The following UBR3 variants were observed in gnomAD, a reference collection of about 807,000 sequenced individuals.
UBR3 encodes the protein ubiquitin protein ligase E3 component n-recognin 3, also known as E3 ubiquitin-protein ligase UBR3.
Under a neutral mutation model 243.2 loss-of-function variants are expected in UBR3, and 85 were observed. The observed-to-expected ratio is 0.35, with a 90% CI of 0.29 to 0.42. The LOEUF (loss-of-function observed/expected upper bound fraction) is 0.42. UBR3 is among the 10% of genes least tolerant of loss of function. The pLI, the probability that UBR3 is intolerant of heterozygous loss-of-function variation, is 1.00. For missense variants in UBR3, 1,686 were observed against 2,300.8 expected (o/e 0.73, Z 5.47); for synonymous variants, 748 against 799.8 (o/e 0.94, Z 1.09).
chr2:169,842,324 C>T (rs2082325023), intron 1 of UBR3, among the ~76,000 whole-genome samples: 1 of 152,106 alleles, frequency 6.6e-6, no homozygotes. Flanking sequence ...GTATCTAGCT[C>T]AGGGATTGTA....
intron 30 of UBR3, among the ~76,000 whole-genome samples, chr2:170,024,376 GAGAA>G (rs2090473949): frequency 2.5e-5 from 3 of 119,886 alleles, no homozygotes; most frequent in African/African-American, 9.4e-5. Context: ...AAAAAAAAAA[GAGAA>G]AAGAAATAAC....
chr2:169,827,528 G>T lies in UBR3; in HGVS notation c.21G>T (p.Ala7=). The change falls in exon 1 of 39, where the codon GCG becomes GCT. Residue 7 remains alanine (A), a synonymous_variant. Transcript: ENST00000272793. MAAAAA[A]AVGGQQPSQP... ...TCATCATGGCGGCGGCGGCCGCGGC[G>T]GCCGTCGGGGGCCAGCAGCCGTCAC... 1 of 1,231,200 alleles carries T rather than the reference G, an allele frequency of 8.1e-7. No homozygotes were observed. Among genetic ancestry groups the T allele is most frequent in the Non-Finnish European group, 1.0e-6 (1 of 988,580 alleles). The allele number at this position is 1,231,200 out of a possible 1,614,324, so 76.3% of individuals were successfully genotyped here.
intron 5 of UBR3, among the ~76,000 whole-genome samples, chr2:169,883,990 A>G (rs2083993814): frequency 6.6e-6 from 1 of 151,668 alleles, no homozygotes; most frequent in African/African-American, 2.4e-5. Flanking sequence ...GTGCCACCAC[A>G]CCCAGCTAAT....
chr2:169,971,169 G>T (rs2088121520), intron 24 of UBR3, among the ~76,000 whole-genome samples: 1 of 151,352 alleles, frequency 6.6e-6, no homozygotes, highest in African/African-American at 2.4e-5. Flanking sequence ...TTTTGATGGG[G>T]TTGTTTGTTT....
intron 1 of UBR3, among the ~76,000 whole-genome samples, chr2:169,855,322 ATTAC>A (rs927766579): frequency 5.3e-5 from 8 of 152,120 alleles, no homozygotes; most frequent in Non-Finnish European, 5.9e-5. Flanking sequence ...GAGAGTATCC[ATTAC>A]TTTTTATTTT....
intron 24 of UBR3, among the ~76,000 whole-genome samples, chr2:169,975,771 T>A (rs1334293294): frequency 1.3e-5 from 2 of 152,070 alleles, no homozygotes; most frequent in Non-Finnish European, 2.9e-5. Flanking sequence ...TATGATTGTA[T>A]CTGGGCAAGA....
At chr2:169,930,021 A>AT (rs2086059686) in intron 18 of UBR3, among the ~76,000 whole-genome samples, 2 of 152,156 alleles carry the variant, frequency 1.3e-5, no homozygotes, top group East Asian at 1.9e-4. Flanking sequence ...AAAGCACAGT[A>AT]TTTTTTTAGT....
chr2:169,837,619 G>C (rs778476154), intron 1 of UBR3, among the ~76,000 whole-genome samples: 17 of 152,220 alleles, frequency 1.1e-4, no homozygotes, highest in Non-Finnish European at 1.6e-4. Context: ...GAGCAGCAGG[G>C]GGGGAGAAGC....
chr2:169,929,554 G>T (rs534734304), intron 18 of UBR3, among the ~76,000 whole-genome samples: 22 of 152,142 alleles, frequency 1.4e-4, no homozygotes, highest in African/African-American at 5.1e-4. Flanking sequence ...TCCAGCCTAG[G>T]CAACAAGAGT....
chr2:169,844,849 A>AT (rs897431162), intron 1 of UBR3, among the ~76,000 whole-genome samples: 2 of 151,570 alleles, frequency 1.3e-5, no homozygotes, highest in Admixed American at 6.6e-5. Context: ...GGTTTTACTG[A>AT]TTTTTTGTTG....
intron 24 of UBR3, among the ~76,000 whole-genome samples, chr2:169,969,937 CTTTT>C (rs34413545): frequency 1.6e-4 from 14 of 89,722 alleles, no homozygotes; most frequent in Admixed American, 2.2e-4. Context: ...ATGCCTCCAG[CTTTT>C]TTTTTTTTTT....
chr2:169,876,885 C>CCTTT (rs2083639775), intron 3 of UBR3, among the ~76,000 whole-genome samples: 1 of 152,070 alleles, frequency 6.6e-6, no homozygotes, highest in African/African-American at 2.4e-5. Flanking sequence ...TCTTTAAACG[C>CCTTT]AAGGCTGAGA....
Position 170,078,067 on chromosome 2 carries a change from C to G in UBR3, c.5200-1747C>G, listed in dbSNP as rs747347130. 22 of 673,998 alleles carry G rather than the reference C, an allele frequency of 3.3e-5. 1 individual carries two copies. Among genetic ancestry groups the G allele is most frequent in the East Asian group, 5.9e-5 (2 of 33,748 alleles). 41.8% of individuals were successfully genotyped at this position (673,998 alleles called of 1,614,324 possible). A position where few individuals can be genotyped will look rare whatever the true frequency, so the allele number is the denominator to read the frequency against. On this transcript the variant is annotated intron_variant, in intron 36 of 38. Coordinates refer to ENST00000272793, the MANE Select transcript of UBR3 (RefSeq NM_172070.4). ...AGGTACTGCTCCCTGTGGAGTCTTT[C>G]TTTTGTCTGGTGTTTCTCTTTTCAT...
In UBR3 at chr2:169,986,655, G is replaced by T; in HGVS notation, c.3645G>T (p.Glu1215Asp). 1 of 1,610,420 alleles carries T rather than the reference G, an allele frequency of 6.2e-7. No homozygotes were observed. Among genetic ancestry groups the T allele is most frequent in the South Asian group, 1.1e-5 (1 of 89,918 alleles). Reference protein sequence around the residue: ...METAMDVDSPENDIPMEITTA... With the variant: ...METAMDVDSPDNDIPMEITTA... ...ACTTTTTTCCCTCAGATTCTCCTGA[G>T]AATGATATTCCTATGGAGATCACCA... The change falls in exon 25 of 39, where the codon GAG (glutamate) becomes GAT (aspartate). Residue 1215 changes from glutamate (E) to aspartate (D), a missense_variant. Glu to Asp is a conservative substitution (Grantham distance 45, BLOSUM62 2). Transcript: ENST00000272793.
intron 31 of UBR3, among the ~76,000 whole-genome samples, chr2:170,032,015 T>C (rs1336745530): frequency 1.3e-5 from 2 of 152,156 alleles, no homozygotes; most frequent in Non-Finnish European, 2.9e-5. Context: ...GGTAGAACGA[T>C]TTATTTTCTT....
At chr2:170,066,513 C>CT (rs1559231733) in intron 35 of UBR3, among the ~76,000 whole-genome samples, 1 of 14,230 alleles carries the variant, frequency 7.0e-5, no homozygotes, top group East Asian at 0.012. Context: ...GATTATCTAG[C>CT]CCCCCCACCT....
intron 3 of UBR3, among the ~76,000 whole-genome samples, chr2:169,876,600 C>G (rs540355955): frequency 8.8e-5 from 13 of 148,066 alleles, no homozygotes; most frequent in African/African-American, 3.2e-4. Flanking sequence ...CTCTGTTGCC[C>G]AGGCTGGAGT....
Position 169,928,763 on chromosome 2 carries a change from C to T in UBR3, c.2461C>T (p.Pro821Ser), listed in dbSNP as rs1311984972. The part of the protein sequence containing the change: ...ENPNPKSGII[P>S]GSYSFESVLS... ...TCCTAATCCCAAAAGTGGCATTATT[C>T]CAGGCAGTTACAGCTTTGAATCAGT... The change falls in exon 18 of 39, where the codon CCA becomes TCA. Residue 821 changes from proline (P) to serine (S), a missense_variant. Pro to Ser is a moderately conservative substitution (Grantham distance 74). Transcript: ENST00000272793. The T allele has an allele frequency of 2.7e-6, 4 of 1,502,312 alleles. No individual in the cohort carries two copies. The highest frequency in any genetic ancestry group is 2.6e-5 in the South Asian group (2 of 77,088). 93.1% of individuals were successfully genotyped at this position (1,502,312 alleles called of 1,614,324 possible).
intron 27 of UBR3, among the ~76,000 whole-genome samples, chr2:170,004,366 C>A (rs2089829946): frequency 6.6e-6 from 1 of 152,098 alleles, no homozygotes; most frequent in East Asian, 1.9e-4. Flanking sequence ...ACACTAGATA[C>A]ATTAGGTCAT....
Sources: allele counts gnomAD v4.1 joint callset (sites outside exome capture counted in the v4.1 genomes callset), GRCh38; gene constraint gnomAD v4.1.1; transcripts MANE v1.5; gene names NCBI Gene and HGNC (gene_info 2026-07-23, HGNC 2026-07-21).